PRELID2: variants seen among roughly 807,000 people sequenced by gnomAD.
The protein encoded by PRELID2 is PRELI domain-containing protein 2.
A neutral mutation model predicts 28.4 loss-of-function variants in PRELID2; 25 were observed. That is an observed-to-expected ratio of 0.88 (90% CI 0.64 to 1.23). The LOEUF is 1.23. PRELID2 is among the 50% of genes most tolerant of loss of function. PRELID2 has a pLI of 0.00. For missense variants in PRELID2, 201 were observed against 214.4 expected (o/e 0.94, Z 0.39); for synonymous variants, 76 against 71.6 (o/e 1.06, Z -0.31).
At chr5:145,485,199 G>A (rs1040895189) in intron 1 of PRELID2, among the ~76,000 whole-genome samples, 24 of 152,164 alleles carry the variant, frequency 1.6e-4, no homozygotes, top group African/African-American at 5.8e-4. Context: ...AAGAATTCTG[G>A]AAGAACTAAT....
At chr5:145,428,850 G>A in the PRELID2 span, among the ~76,000 whole-genome samples, 1 of 152,178 alleles carries the variant, frequency 6.6e-6, no homozygotes, top group African/African-American at 2.4e-5. Context: ...ATTCCAGGCA[G>A]AGGAGAGAAC....
the PRELID2 span, among the ~76,000 whole-genome samples, chr5:145,406,117 A>C: frequency 6.6e-6 from 1 of 152,114 alleles, no homozygotes; most frequent in African/African-American, 2.4e-5. Flanking sequence ...CCTATGATCT[A>C]ATCACCTCCC....
chr5:145,718,480 A>T (rs1025065643), intron 1 of PRELID2, among the ~76,000 whole-genome samples: 1 of 152,008 alleles, frequency 6.6e-6, no homozygotes, highest in African/African-American at 2.4e-5. Flanking sequence ...TCAAGACATA[A>T]ATTTTCCGAT....
At chr5:145,376,897 C>G in the PRELID2 span, among the ~76,000 whole-genome samples, 1 of 151,794 alleles carries the variant, frequency 6.6e-6, no homozygotes, top group South Asian at 2.1e-4. Context: ...TTTAGTTCGT[C>G]TCTGATTTTG....
intron 4 of PRELID2, among the ~76,000 whole-genome samples, chr5:145,808,361 A>G (rs915628149): frequency 6.6e-6 from 1 of 152,130 alleles, no homozygotes; most frequent in Non-Finnish European, 1.5e-5. Flanking sequence ...AAAAAAACCA[A>G]AAAGACTCTA....
chr5:145,711,355 G>T (rs951494257), intron 1 of PRELID2, among the ~76,000 whole-genome samples: 13 of 152,176 alleles, frequency 8.5e-5, no homozygotes, highest in African/African-American at 3.1e-4. Context: ...CCAGAAAATA[G>T]TGAGCTCCTG....
At chr5:145,690,389 C>A (rs148751981) in intron 1 of PRELID2, among the ~76,000 whole-genome samples, 1 of 152,280 alleles carries the variant, frequency 6.6e-6, no homozygotes, top group East Asian at 1.9e-4. Flanking sequence ...CAGAACGCCA[C>A]GTGTTTCTGG....
chr5:145,464,481 C>T, the PRELID2 span, among the ~76,000 whole-genome samples: 2 of 152,086 alleles, frequency 1.3e-5, no homozygotes, highest in African/African-American at 2.4e-5. Flanking sequence ...AAGAAAAAGG[C>T]AAGAAGTCTG....
chr5:145,706,714 A>G (rs574706154), intron 1 of PRELID2, among the ~76,000 whole-genome samples: 1 of 152,224 alleles, frequency 6.6e-6, no homozygotes, highest in South Asian at 2.1e-4. Flanking sequence ...ATAAAATAAA[A>G]TAATAATAAC....
At chr5:145,229,112 CA>C in the PRELID2 span, 2 of 1,407,290 alleles carry the variant, frequency 1.4e-6, no homozygotes, top group Admixed American at 1.7e-5. Flanking sequence ...GCATCGCCCA[CA>C]AAAAAGTGGA....
chr5:145,357,283 C>T, the PRELID2 span, among the ~76,000 whole-genome samples: 1 of 152,126 alleles, frequency 6.6e-6, no homozygotes, highest in Non-Finnish European at 1.5e-5. Flanking sequence ...GGGTTGTCCT[C>T]TCTAGTGAGG....
At chr5:145,727,165 C>T (rs1756193323) in intron 1 of PRELID2, among the ~76,000 whole-genome samples, 1 of 152,140 alleles carries the variant, frequency 6.6e-6, no homozygotes, top group South Asian at 2.1e-4. Context: ...GATGGTTTAG[C>T]ATTTATATGG....
the PRELID2 span, among the ~76,000 whole-genome samples, chr5:145,278,006 G>A: frequency 6.6e-6 from 1 of 152,162 alleles, no homozygotes; most frequent in African/African-American, 2.4e-5. Context: ...TGATTCTAAA[G>A]TCTCTATTTC....
chr5:145,653,445 C>A (rs530847014), intron 1 of PRELID2, among the ~76,000 whole-genome samples: 89 of 152,354 alleles, frequency 5.8e-4, no homozygotes, highest in South Asian at 1.9e-3. Flanking sequence ...ACAGAATATA[C>A]ATTCTTCTAA....
the PRELID2 span, among the ~76,000 whole-genome samples, chr5:145,334,651 A>T: frequency 3.3e-5 from 5 of 152,088 alleles, no homozygotes; most frequent in Non-Finnish European, 7.4e-5. Flanking sequence ...TTCCTTCAGC[A>T]CTTTTTGTAA....
the PRELID2 span, among the ~76,000 whole-genome samples, chr5:145,276,871 T>C: frequency 6.6e-6 from 1 of 152,180 alleles, no homozygotes; most frequent in Non-Finnish European, 1.5e-5. Context: ...TCAGAGCATT[T>C]CTGCAGGACA....
chr5:145,613,197 T>A (rs573544155), intron 1 of PRELID2, among the ~76,000 whole-genome samples: 9 of 152,196 alleles, frequency 5.9e-5, no homozygotes, highest in Non-Finnish European at 1.3e-4. Context: ...TAGTATCGCA[T>A]TGTGGTTTTG....
the PRELID2 span, among the ~76,000 whole-genome samples, chr5:145,344,020 C>T: frequency 3.3e-5 from 5 of 151,936 alleles, no homozygotes; most frequent in East Asian, 9.6e-4. Context: ...AGTAATAAGT[C>T]TCTCAAAAAG....
At chr5:145,353,623 A>C in the PRELID2 span, among the ~76,000 whole-genome samples, 1 of 152,210 alleles carries the variant, frequency 6.6e-6, no homozygotes, top group South Asian at 2.1e-4. Context: ...ACATGATGTT[A>C]GTAAGGAGAA....
Sources: gnomAD v4.1 joint callset for allele counts (sites outside exome capture counted in the v4.1 genomes callset) on GRCh38, gnomAD v4.1.1 for gene constraint, MANE v1.5 for transcripts, NCBI Gene and HGNC (gene_info 2026-07-23, HGNC 2026-07-21) for gene names.